ADGRB3: variants seen among roughly 807,000 people sequenced by gnomAD.
The protein encoded by ADGRB3 is adhesion G protein-coupled receptor B3, also known as brain-specific angiogenesis inhibitor 3.
Under a neutral mutation model 193.4 loss-of-function variants are expected in ADGRB3, and 37 were observed. That is an observed-to-expected ratio of 0.19 (90% CI 0.15 to 0.25). ADGRB3 has a LOEUF of 0.25. Among genes scored for constraint, ADGRB3 ranks in the 10% least tolerant of loss-of-function variants. ADGRB3 has a pLI of 1.00. For missense variants in ADGRB3, 1,637 were observed against 1,852.9 expected, an observed-to-expected ratio of 0.88 and a Z score of 2.14; for synonymous variants, 690 against 644.2, an observed-to-expected ratio of 1.07 and a Z score of -1.08.
rs3823077 is a variant in ADGRB3 at position 69,282,587 on chromosome 6, G to A, written c.2815-42285G>A. The stretch of plus-strand genomic sequence containing the variant: ...AAAGTTATAAGGAGTTTGTTGTTTC[G>A]TTTGTTTTTTTATTAAGGACAGGTG... On this transcript the variant is annotated intron_variant, in intron 20 of 31. Coordinates refer to ENST00000370598, the MANE Select transcript of ADGRB3 (RefSeq NM_001704.3). 3.1e-3 allele frequency among the ~76,000 whole-genome samples: 475 copies of A among 152,118 alleles called. 12 individuals carry two copies. The East Asian group carries it at 0.059, about 19-fold the overall frequency.
chr6:69,376,429 TTC>T (rs1257588083), intron 30 of ADGRB3, among the ~76,000 whole-genome samples: 6 of 151,888 alleles, frequency 4.0e-5, no homozygotes, highest in Non-Finnish European at 7.4e-5. Flanking sequence ...TTTAGGATAT[TTC>T]TCTGAGTTTT....
In ADGRB3 at chr6:68,976,966, A is replaced by G. The variant is rs1768768153; in HGVS notation, c.1734+1626A>G. Among the ~76,000 whole-genome samples the G allele has an allele frequency of 2.0e-5, 3 of 150,014 alleles. No homozygotes were observed. The Admixed American group carries it at 2.0e-4, about 10-fold the overall frequency. On this transcript the variant is annotated intron_variant, in intron 10 of 31. Transcript: ENST00000370598. ...GAAAAATATATATTTTTTTATATTTATCACATAAACATAAAGTTTTATATT... is the reference window on the plus strand; with the variant it reads ...GAAAAATATATATTTTTTTATATTTGTCACATAAACATAAAGTTTTATATT...
chr6:69,153,878 A>C (rs1774751915), intron 17 of ADGRB3, among the ~76,000 whole-genome samples: 1 of 152,112 alleles, frequency 6.6e-6, no homozygotes, highest in African/African-American at 2.4e-5. Flanking sequence ...CTGTAGTCCC[A>C]GCTACTCGGG....
intron 26 of ADGRB3, among the ~76,000 whole-genome samples, chr6:69,352,488 T>TA (rs1769247067): frequency 6.6e-6 from 1 of 152,196 alleles, no homozygotes; most frequent in African/African-American, 2.4e-5. Flanking sequence ...TTAGAAATAT[T>TA]AGAGTAATAG....
At chr6:69,189,370 A>C (rs1349294746) in intron 17 of ADGRB3, among the ~76,000 whole-genome samples, 2 of 152,156 alleles carry the variant, frequency 1.3e-5, no homozygotes, top group East Asian at 3.8e-4. Context: ...CAATGCTGAA[A>C]ATTTCTACTT....
intron 16 of ADGRB3, among the ~76,000 whole-genome samples, chr6:69,068,998 C>T (rs1214060682): frequency 6.6e-6 from 1 of 152,082 alleles, no homozygotes; most frequent in Non-Finnish European, 1.5e-5. Flanking sequence ...TAAAATCCAT[C>T]CAAATTATCT....
chr6:69,366,839 T>C (rs1769579347), intron 29 of ADGRB3, among the ~76,000 whole-genome samples: 1 of 152,108 alleles, frequency 6.6e-6, no homozygotes, highest in Non-Finnish European at 1.5e-5. Flanking sequence ...TTTTAATCAT[T>C]TACCAATAAT....
intron 17 of ADGRB3, among the ~76,000 whole-genome samples, chr6:69,219,462 T>C (rs1179960426): frequency 1.8e-4 from 1 of 5,424 alleles, no homozygotes; most frequent in African/African-American, 6.7e-4. Flanking sequence ...CACACACACG[T>C]ATATATATAT....
intron 10 of ADGRB3, among the ~76,000 whole-genome samples, chr6:68,982,705 T>C (rs1768953979): frequency 6.6e-6 from 1 of 152,140 alleles, no homozygotes; most frequent in Non-Finnish European, 1.5e-5. Flanking sequence ...CTCAGCTTTT[T>C]ACACAGGGCA....
chr6:68,777,846 G>T (rs188611008), intron 3 of ADGRB3, among the ~76,000 whole-genome samples: 2 of 151,982 alleles, frequency 1.3e-5, no homozygotes, highest in South Asian at 4.1e-4. Flanking sequence ...CAAAAATACC[G>T]ATTTGATAGC....
chr6:69,330,654 A>T (rs975045872), intron 23 of ADGRB3, 82 bp downstream of exon 23: 1 of 1,165,706 alleles, frequency 8.6e-7, no homozygotes, highest in East Asian at 2.5e-5. Context: ...GGCAATTTTG[A>T]TAATGTAGTT....
At chr6:69,358,920 C>A (rs117107540) in intron 28 of ADGRB3, among the ~76,000 whole-genome samples, 9,116 of 151,394 alleles carry the variant, frequency 0.06, 330 homozygotes, top group Admixed American at 0.11. Context: ...TACACACACA[C>A]GTATATATAT....
intron 17 of ADGRB3, among the ~76,000 whole-genome samples, chr6:69,212,718 G>A (rs982651999): frequency 1.3e-5 from 2 of 152,094 alleles, no homozygotes; most frequent in Non-Finnish European, 2.9e-5. Context: ...TACTGGTTTG[G>A]TAAGAAAACT....
chr6:69,159,510 T>C (rs1489965216), intron 17 of ADGRB3, among the ~76,000 whole-genome samples: 5 of 152,084 alleles, frequency 3.3e-5, no homozygotes, highest in African/African-American at 1.2e-4. Flanking sequence ...CCTGGCTCAG[T>C]GAGTTCTTCT....
intron 3 of ADGRB3, among the ~76,000 whole-genome samples, chr6:68,644,500 A>G (rs1768157519): frequency 6.6e-6 from 1 of 152,132 alleles, no homozygotes; most frequent in East Asian, 1.9e-4. Flanking sequence ...TTACTTGTAC[A>G]GTAATGACAT....
intron 17 of ADGRB3, among the ~76,000 whole-genome samples, chr6:69,109,731 GT>G (rs1773315315): frequency 6.6e-6 from 1 of 152,106 alleles, no homozygotes; most frequent in Non-Finnish European, 1.5e-5. Flanking sequence ...TCAGAACCCT[GT>G]TTTGGTGATG....
At chr6:69,009,792 A>G (rs368517480) in intron 11 of ADGRB3, among the ~76,000 whole-genome samples, 2 of 152,080 alleles carry the variant, frequency 1.3e-5, no homozygotes, top group Non-Finnish European at 2.9e-5. Context: ...TTGATGTCCA[A>G]CCACTTTGCT....
At chr6:69,235,672 T>C (rs1165825129) in intron 19 of ADGRB3, among the ~76,000 whole-genome samples, 1 of 152,052 alleles carries the variant, frequency 6.6e-6, no homozygotes, top group Non-Finnish European at 1.5e-5. Context: ...GAAGTCAGAC[T>C]TTGACAAATT....
intron 17 of ADGRB3, among the ~76,000 whole-genome samples, chr6:69,185,107 C>G (rs1446152810): frequency 6.6e-6 from 1 of 152,060 alleles, no homozygotes; most frequent in African/African-American, 2.4e-5. Flanking sequence ...CAAATTGCCT[C>G]TCTACAAGAA....
Sources: gnomAD v4.1 joint callset for allele counts (sites outside exome capture counted in the v4.1 genomes callset) on GRCh38, gnomAD v4.1.1 for gene constraint, MANE v1.5 for transcripts, NCBI Gene and HGNC (gene_info 2026-07-23, HGNC 2026-07-21) for gene names.